Variants in DYNC2H1 observed in about 807,000 individuals in gnomAD.
The protein encoded by DYNC2H1 is cytoplasmic dynein 2 heavy chain 1.
In DYNC2H1, 410 loss-of-function variants were observed where a neutral mutation model predicts 570.0. The observed-to-expected ratio is 0.72, with a 90% CI of 0.66 to 0.78. DYNC2H1 has a LOEUF of 0.78. Ranked by LOEUF, DYNC2H1 falls within the 30% of genes least tolerant of loss-of-function variation. The pLI, the probability that DYNC2H1 is intolerant of heterozygous loss-of-function variation, is 0.00. For missense variants in DYNC2H1, 4,865 were observed against 5,046.4 expected, an observed-to-expected ratio of 0.96 and a Z score of 1.09; for synonymous variants, 1,688 against 1,677.6, an observed-to-expected ratio of 1.01 and a Z score of -0.15.
chr11:103,340,424 C>T (rs1166839090), intron 82 of DYNC2H1, among the ~76,000 whole-genome samples: 7 of 146,376 alleles, frequency 4.8e-5, no homozygotes, highest in South Asian at 2.2e-4. Flanking sequence ...ATTTTAGTTA[C>T]GTCATCTGCC....
chr11:103,417,316 T>TGTTGGTCAGGGG (rs1192664954), intron 84 of DYNC2H1, among the ~76,000 whole-genome samples: 5 of 151,670 alleles, frequency 3.3e-5, no homozygotes, highest in African/African-American at 1.2e-4. Context: ...TTGGTCAGGA[T>TGTTGGTCAGGGG]GGTCTCGATC....
intron 32 of DYNC2H1, among the ~76,000 whole-genome samples, chr11:103,169,701 C>T (rs1861490093): frequency 6.6e-6 from 1 of 152,102 alleles, no homozygotes; most frequent in Non-Finnish European, 1.5e-5. Context: ...AAATTCATTA[C>T]ACTTTGTGAT....
chr11:103,211,971 T>C lies in DYNC2H1; in HGVS notation c.8694+28T>C, dbSNP rs11225606. Reference sequence around the variant, plus strand: ...ATAGTATTGGTAATCTTGAATTATTTTATCTATATATAGGAAACAAGAGTT... The same window carrying C: ...ATAGTATTGGTAATCTTGAATTATTCTATCTATATATAGGAAACAAGAGTT... On this transcript the variant is annotated intron_variant, in intron 54 of 88. Coordinates refer to ENST00000375735, the MANE Select transcript of DYNC2H1 (RefSeq NM_001377.3). 0.027 allele frequency: 40,842 copies of C among 1,489,836 alleles called. 655 individuals are homozygous for C. The highest frequency in any genetic ancestry group is 0.032 in the Non-Finnish European group (35,392 of 1,119,498). 92.3% of individuals were successfully genotyped at this position (1,489,836 alleles called of 1,614,324 possible). A position where few individuals can be genotyped will look rare whatever the true frequency, so the allele number is the denominator to read the frequency against.
At position 103,439,500 on chromosome 11, in the gene DYNC2H1, C is replaced by T. The variant is rs995871369; in HGVS notation, c.12456+3468C>T. ...ATTTTATCCTAAGGACAAAAGGTAA[C>T]CATTGCAGCATTTTAAGAAGGAAAG... On this transcript the variant is annotated intron_variant, in intron 85 of 88. Coordinates refer to ENST00000375735, the MANE Select transcript of DYNC2H1 (RefSeq NM_001377.3). This position sits in a 1 kb window ranked among gnomAD's most constrained non-coding sequence, Gnocchi z 4.1. Among the ~76,000 whole-genome samples the T allele has an allele frequency of 1.3e-5, 2 of 151,972 alleles. No individual in the cohort carries two copies. Among genetic ancestry groups the T allele is most frequent in the African/African-American group, 4.8e-5 (2 of 41,368 alleles).
chr11:103,181,115 A>G lies in DYNC2H1; in HGVS notation c.6348-642A>G, dbSNP rs1861834169. ...AATTGGATTTTGGTGAAATAATTGA[A>G]TTTTACCCAGATAATTATGTGCTTT... On this transcript the variant is annotated intron_variant, in intron 39 of 88. Coordinates refer to ENST00000375735, the MANE Select transcript of DYNC2H1 (RefSeq NM_001377.3). This position sits in a 1 kb window ranked among gnomAD's most constrained non-coding sequence, Gnocchi z 5.0. Among the ~76,000 whole-genome samples, 1 of 151,584 alleles carries G rather than the reference A, an allele frequency of 6.6e-6. No homozygotes were observed. The highest frequency in any genetic ancestry group is 2.4e-5 in the African/African-American group (1 of 41,398).
chr11:103,395,011 C>T lies in DYNC2H1; in HGVS notation c.12157-4652C>T, dbSNP rs1006631036. Among the ~76,000 whole-genome samples the T allele has an allele frequency of 1.1e-4, 16 of 151,996 alleles. No homozygotes were observed. Among genetic ancestry groups the T allele is most frequent in the African/African-American group, 3.4e-4 (14 of 41,408 alleles). On this transcript the variant is annotated intron_variant, in intron 83 of 88. Coordinates refer to ENST00000375735, the MANE Select transcript of DYNC2H1 (RefSeq NM_001377.3). The surrounding 1 kb of genome is among the most constrained non-coding windows in gnomAD (Gnocchi z 4.3). ...CTACCCTCCTCTTTCCACAGTTTTG[C>T]CAGAAATCCACTTGTGGATTTAATT...
rs1163200221 is a variant in DYNC2H1 at position 103,198,046 on chromosome 11, A to G, written c.7822A>G (p.Lys2608Glu). ...PLGKLNSTDLKDVIKKGLIHY... is the reference protein window; with the variant it reads ...PLGKLNSTDLEDVIKKGLIHY... ...TGGAAAACTAAACTCTACTGATCTC[A>G]AGGATGTTATTAAAAAGGTATAATA... Residue 2608 changes from lysine to glutamate, a missense_variant, in exon 48 of 89, where the codon AAG (lysine) becomes GAG (glutamate). Physicochemically the swap from Lys to Glu is moderately conservative, Grantham distance 56 (BLOSUM62 1). Coordinates refer to ENST00000375735, the MANE Select transcript of DYNC2H1 (RefSeq NM_001377.3). 6.4e-7 allele frequency: 1 copy of G among 1,551,022 alleles called. No homozygotes were observed. The highest frequency in any genetic ancestry group is 8.7e-7 in the Non-Finnish European group (1 of 1,145,962).
chr11:103,464,077 A>C (rs1945110374), intron 87 of DYNC2H1, among the ~76,000 whole-genome samples: 1 of 152,238 alleles, frequency 6.6e-6, no homozygotes, highest in African/African-American at 2.4e-5. Context: ...AAGGAAAACT[A>C]ACAAAATCAT....
intron 83 of DYNC2H1, among the ~76,000 whole-genome samples, chr11:103,372,933 A>C (rs1941231235): frequency 6.6e-6 from 1 of 151,876 alleles, no homozygotes; most frequent in Non-Finnish European, 1.5e-5. Context: ...TGGTTTGTTC[A>C]ATTGTGTGTG....
chr11:103,348,514 A>G (rs557051560), intron 82 of DYNC2H1, among the ~76,000 whole-genome samples: 5 of 152,202 alleles, frequency 3.3e-5, no homozygotes, highest in African/African-American at 1.2e-4. Flanking sequence ...ATTAGTTTGC[A>G]TTGTCTAGAG....
intron 17 of DYNC2H1, among the ~76,000 whole-genome samples, chr11:103,142,472 C>T (rs1228752778): frequency 6.6e-6 from 1 of 152,004 alleles, no homozygotes; most frequent in Non-Finnish European, 1.5e-5. Context: ...GAGTTTGAGA[C>T]CAGCCTCGTC....
intron 82 of DYNC2H1, among the ~76,000 whole-genome samples, chr11:103,355,534 A>T (rs1005766272): frequency 6.6e-6 from 1 of 152,198 alleles, no homozygotes; most frequent in East Asian, 1.9e-4. Context: ...GGGGTGCTTC[A>T]TGATATCCAA....
Position 103,120,440 on chromosome 11 carries a change from A to G in DYNC2H1, c.1000-7A>G, listed in dbSNP as rs745325616. The G allele has an allele frequency of 1.0e-5, 16 of 1,601,214 alleles. No homozygotes were observed. The Admixed American group carries it at 1.9e-4, about 19-fold the overall frequency. On this transcript the variant is annotated splice_polypyrimidine_tract_variant and splice_region_variant and intron_variant, in intron 6 of 88. Transcript: ENST00000375735. ...ATAAATTCTGTTGTTTTAATACTTC[A>G]TTTTAGGTCTTGGCTATTAGAACAA...
At chr11:103,179,735 T>A (rs1861773228) in intron 39 of DYNC2H1, among the ~76,000 whole-genome samples, 1 of 151,728 alleles carries the variant, frequency 6.6e-6, no homozygotes, top group South Asian at 2.1e-4. Flanking sequence ...ACTTAATATT[T>A]TTTTTCTTCT....
chr11:103,196,050 T>A (rs549744465), intron 47 of DYNC2H1, among the ~76,000 whole-genome samples: 1 of 152,238 alleles, frequency 6.6e-6, no homozygotes, highest in East Asian at 1.9e-4. Context: ...ATTCAAACAA[T>A]CAGTGAAGCC....
intron 85 of DYNC2H1, among the ~76,000 whole-genome samples, chr11:103,445,365 T>C (rs2135779168): frequency 6.6e-6 from 1 of 152,334 alleles, no homozygotes; most frequent in Middle Eastern, 3.4e-3. Flanking sequence ...TCTTAAAGTA[T>C]GATTTTATTC....
Position 103,174,153 on chromosome 11 carries a change from G to C in DYNC2H1, c.5657G>C (p.Ser1886Thr), listed in dbSNP as rs749003515. 14 of 1,577,590 alleles carry C rather than the reference G, an allele frequency of 8.9e-6. 1 individual carries two copies. The South Asian group carries it at 1.5e-4, about 17-fold the overall frequency. ...AATCTCCTTAGACAGCTAAACAAAA[G>C]TGGCACTACACAGAATGGTATGATT... ...SGNLLRQLNKSGTTQNANESH... is the reference protein window; with the variant it reads ...SGNLLRQLNKTGTTQNANESH... Residue 1886 changes from serine (S) to threonine (T), a missense_variant, in exon 36 of 89, where the codon AGT becomes ACT. Ser to Thr is a moderately conservative substitution (Grantham distance 58). Around this residue, in one of 5 missense-constraint regions of DYNC2H1, gnomAD observed 292 missense variants for 300.2 expected, o/e 0.97. Coordinates refer to ENST00000375735, the MANE Select transcript of DYNC2H1 (RefSeq NM_001377.3).
At chr11:103,348,807 G>A (rs1939893018) in intron 82 of DYNC2H1, among the ~76,000 whole-genome samples, 1 of 152,082 alleles carries the variant, frequency 6.6e-6, no homozygotes, top group African/African-American at 2.4e-5. Flanking sequence ...TGTGTCAAGG[G>A]AGGGACCTCA....
At chr11:103,271,847 G>A (rs185835497) in intron 70 of DYNC2H1, among the ~76,000 whole-genome samples, 3,795 of 152,304 alleles carry the variant, frequency 0.025, 63 homozygotes, top group Middle Eastern at 0.037. Flanking sequence ...GGCCATGAGA[G>A]AAATGCAAAT....
Sources: allele counts gnomAD v4.1 joint callset (sites outside exome capture counted in the v4.1 genomes callset), GRCh38; gene constraint gnomAD v4.1.1; regional missense constraint gnomAD v4.1.1; non-coding constraint Gnocchi (gnomAD v3.1); transcripts MANE v1.5; gene names NCBI Gene and HGNC (gene_info 2026-07-23, HGNC 2026-07-21).